The following UGT2A3 variants were observed in gnomAD, a reference collection of about 807,000 sequenced individuals.
UGT2A3 encodes the protein UDP-glucuronosyltransferase 2A3.
UGT2A3 carries 55 observed loss-of-function variants against 44.1 expected under a neutral mutation model. That is an observed-to-expected ratio of 1.25 (90% CI 1.00 to 1.56). UGT2A3 has a LOEUF of 1.56. Among genes scored for constraint, UGT2A3 ranks in the 40% most tolerant of loss-of-function variants. The pLI is 0.00. For synonymous variants in UGT2A3, 243 were observed against 215.1 expected (o/e 1.13, Z -1.13); for missense variants, 733 against 621.6 (o/e 1.18, Z -1.91).
In UGT2A3 at chr4:68,945,351, C is replaced by T; in HGVS notation, c.819G>A (p.Glu273=). The T allele has an allele frequency of 1.2e-6, 2 of 1,611,508 alleles. No individual in the cohort carries two copies. The highest frequency in any genetic ancestry group is 1.7e-6 in the Non-Finnish European group (2 of 1,178,524). The change falls in exon 2 of 6, where the codon GAG becomes GAA. Residue 273 remains glutamate, a synonymous_variant. Transcript: ENST00000251566. ...EFPQPYQPNF[E]FVGGLHCKPA... is the part of the protein sequence containing the mutation. ...GTTTACAGTGCAATCCTCCAACAAA[C>T]TCAAAGTTAGGTTGGTATGGTTGAG...
At chr4:68,947,553 G>A (rs1215132699) in intron 1 of UGT2A3, among the ~76,000 whole-genome samples, 1 of 151,600 alleles carries the variant, frequency 6.6e-6, no homozygotes, top group East Asian at 2.0e-4. Flanking sequence ...TTAATATGTT[G>A]ACTTCCTCTC....
chr4:68,941,470 C>G (rs1718184349), intron 2 of UGT2A3, among the ~76,000 whole-genome samples: 2 of 151,780 alleles, frequency 1.3e-5, no homozygotes, highest in Non-Finnish European at 2.9e-5. Context: ...CTATCCCTCA[C>G]CATATACAAA....
intron 1 of UGT2A3, among the ~76,000 whole-genome samples, chr4:68,946,611 T>G (rs528630927): frequency 6.1e-4 from 92 of 151,820 alleles, no homozygotes; most frequent in Non-Finnish European, 8.1e-4. Context: ...AGACTCAGTT[T>G]TAAACAATTG....
At chr4:68,950,709 G>A (rs1486499421) in intron 1 of UGT2A3, among the ~76,000 whole-genome samples, 2 of 151,694 alleles carry the variant, frequency 1.3e-5, no homozygotes, top group African/African-American at 4.8e-5. Context: ...TGATGAGAGA[G>A]AAAATAATGA....
At chr4:68,945,495 A>G (rs771650193) in intron 1 of UGT2A3, 41 bp from the exon 2 acceptor site, 1 of 1,503,834 alleles carries the variant, frequency 6.6e-7, no homozygotes, top group South Asian at 1.3e-5. Context: ...CATACAATTC[A>G]AATAAAAAAT....
At chr4:68,940,609 T>G (rs1051862006) in intron 2 of UGT2A3, among the ~76,000 whole-genome samples, 1 of 151,616 alleles carries the variant, frequency 6.6e-6, no homozygotes, top group African/African-American at 2.4e-5. Context: ...GATGAGTTGA[T>G]GCATGCAGCA....
intron 1 of UGT2A3, among the ~76,000 whole-genome samples, chr4:68,950,043 T>A (rs1718523552): frequency 6.6e-6 from 1 of 151,872 alleles, no homozygotes. Flanking sequence ...TTTACTATAA[T>A]CCTATTTTAC....
chr4:68,932,530 C>A (rs1211284135), intron 3 of UGT2A3, 98 bp downstream of exon 3: 2 of 1,437,856 alleles, frequency 1.4e-6, no homozygotes, highest in Non-Finnish European at 1.9e-6. Flanking sequence ...ATTTTGGTAC[C>A]TGTTATGCTA....
chr4:68,943,566 C>A (rs1360374519), intron 2 of UGT2A3, among the ~76,000 whole-genome samples: 1 of 151,554 alleles, frequency 6.6e-6, no homozygotes, highest in Non-Finnish European at 1.5e-5. Context: ...TAGGTAAACC[C>A]AGTATTGTTA....
chr4:68,941,962 A>C (rs72637839), intron 2 of UGT2A3, among the ~76,000 whole-genome samples: 1 of 151,838 alleles, frequency 6.6e-6, no homozygotes, highest in Non-Finnish European at 1.5e-5. Flanking sequence ...TATGGCTATT[A>C]TCAAAAGGCA....
At chr4:68,945,931 G>T (rs1003417336) in intron 1 of UGT2A3, among the ~76,000 whole-genome samples, 2 of 151,358 alleles carry the variant, frequency 1.3e-5, no homozygotes, top group African/African-American at 4.8e-5. Flanking sequence ...TATAGTCAAG[G>T]GTATATCTTT....
rs762636033 is a variant in UGT2A3 at position 68,929,766 on chromosome 4, G to A, written c.*47C>T. 10 of 1,461,482 alleles carry A rather than the reference G, an allele frequency of 6.8e-6. No homozygotes were observed. Among genetic ancestry groups the A allele is most frequent in the Non-Finnish European group, 9.2e-6 (10 of 1,083,900 alleles). The allele number at this position is 1,461,482 out of a possible 1,614,324, so 90.5% of individuals were successfully genotyped here. The stretch of plus-strand genomic sequence containing the variant: ...GTTTTCACCAAATTCTATGTGGCTG[G>A]AATTAACAGGATTACCCCATCAGGT... On this transcript the variant is annotated 3_prime_UTR_variant, in exon 6 of 6. Coordinates refer to ENST00000251566, the MANE Select transcript of UGT2A3 (RefSeq NM_024743.4).
Position 68,930,533 on chromosome 4 carries a change from C to G in UGT2A3, c.1304+13G>C. On this transcript the variant is annotated intron_variant, in intron 5 of 5. Coordinates refer to ENST00000251566, the MANE Select transcript of UGT2A3 (RefSeq NM_024743.4). ...TCAATGTTAGATCAGTCTGTACAAG[C>G]AGTAGTACTTACGAGGAATCGGTAA... 1 of 1,595,602 alleles carries G rather than the reference C, an allele frequency of 6.3e-7. No individual in the cohort carries two copies. The highest frequency in any genetic ancestry group is 8.5e-7 in the Non-Finnish European group (1 of 1,169,644).
chr4:68,932,633 G>T lies in UGT2A3; in HGVS notation c.991C>A (p.Gln331Lys). 2 of 1,607,148 alleles carry T rather than the reference G, an allele frequency of 1.2e-6. No individual in the cohort carries two copies. Among genetic ancestry groups the T allele is most frequent in the Admixed American group, 1.7e-5 (1 of 58,918 alleles). ...IIASALAQIP[Q>K]KVLWRYKGKK... ...GGATTGGAGGTTTTACTGACCTTCT[G>T]TGGGATCTGGGCAAGGGCTGAAGCA... The change falls in exon 3 of 6, where the codon CAG becomes AAG. Residue 331 changes from glutamine (Q) to lysine (K), a missense_variant. Gln to Lys is a moderately conservative substitution (Grantham distance 53). Coordinates refer to ENST00000251566, the MANE Select transcript of UGT2A3 (RefSeq NM_024743.4).
chr4:68,943,191 T>A, intron 2 of UGT2A3: 1 of 468,652 alleles, frequency 2.1e-6, no homozygotes, highest in Non-Finnish European at 3.3e-6. Flanking sequence ...CTATGATTAT[T>A]TCTATGAGTG....
intron 1 of UGT2A3, among the ~76,000 whole-genome samples, chr4:68,948,596 A>G (rs1718470642): frequency 6.6e-6 from 1 of 151,380 alleles, no homozygotes; most frequent in Admixed American, 6.6e-5. Flanking sequence ...TACAGATATG[A>G]ATCACTGCAG....
intron 1 of UGT2A3, among the ~76,000 whole-genome samples, chr4:68,946,251 T>C (rs1718381227): frequency 6.6e-6 from 1 of 151,704 alleles, no homozygotes; most frequent in African/African-American, 2.4e-5. Context: ...ATTTTGCAAG[T>C]GATAAAAAGA....
intron 1 of UGT2A3, among the ~76,000 whole-genome samples, chr4:68,950,553 C>T (rs568099018): frequency 7.9e-5 from 12 of 151,772 alleles, no homozygotes; most frequent in African/African-American, 2.2e-4. Flanking sequence ...CCCACAAGAC[C>T]GTAAGTCTTT....
chr4:68,947,084 G>C (rs1384357790), intron 1 of UGT2A3, among the ~76,000 whole-genome samples: 3 of 151,630 alleles, frequency 2.0e-5, no homozygotes, highest in Non-Finnish European at 4.4e-5. Flanking sequence ...AAAGATTGTT[G>C]CATGAATTGA....
Sources: allele counts gnomAD v4.1 joint callset (sites outside exome capture counted in the v4.1 genomes callset), GRCh38; gene constraint gnomAD v4.1.1; transcripts MANE v1.5; gene names NCBI Gene and HGNC (gene_info 2026-07-23, HGNC 2026-07-21).